The following MGAM variants were observed in gnomAD, a reference collection of about 807,000 sequenced individuals.
MGAM encodes the protein alpha-1,4-glucosidase.
MGAM carries 253 observed loss-of-function variants against 358.8 expected under a neutral mutation model. The ratio of observed to expected loss-of-function variants is 0.71; its 90% CI spans 0.64 to 0.78. The LOEUF is 0.78. Among genes scored for constraint, MGAM ranks in the 30% least tolerant of loss-of-function variants. The pLI, the probability that MGAM is intolerant of heterozygous loss-of-function variation, is 0.00. For missense variants in MGAM, 3,080 were observed against 3,432.6 expected, an observed-to-expected ratio of 0.90 and a Z score of 2.57; for synonymous variants, 1,105 against 1,227.1, an observed-to-expected ratio of 0.90 and a Z score of 2.08.
chr7:142,059,904 C>T lies in MGAM; in HGVS notation c.3997C>T (p.Arg1333Trp), dbSNP rs184974986. The change falls in exon 33 of 71, where the codon CGG becomes TGG. Residue 1333 changes from arginine (R) to tryptophan (W), a missense_variant. Coordinates refer to ENST00000475668, the MANE Select transcript of MGAM (RefSeq NM_001365693.1). ...GACACAGCCTTATCCTGCCTTCACTCGGGGCGTGGAGGATGACGTCTTCAT... is the reference window on the plus strand; with the variant it reads ...GACACAGCCTTATCCTGCCTTCACTTGGGGCGTGGAGGATGACGTCTTCAT... ...NETQPYPAFT[R>W]GVEDDVFIKY... 139 of 1,611,144 alleles carry T rather than the reference C, an allele frequency of 8.6e-5. No homozygotes were observed. The highest frequency in any genetic ancestry group is 3.4e-4 in the Admixed American group (20 of 59,626).
intron 5 of MGAM, 58 bp from the exon 6 acceptor site, chr7:142,021,528 T>C (rs1188221179): frequency 6.6e-7 from 1 of 1,525,400 alleles, no homozygotes; most frequent in Admixed American, 1.9e-5. Context: ...AGTAGGGATA[T>C]TGGGAAGCTC....
At position 142,083,376 on chromosome 7, in the gene MGAM, G is replaced by A; in HGVS notation, c.6344G>A (p.Gly2115Glu). Reference protein sequence around the residue: ...GGVLDFYVFLGPTPELVTQQY... With the variant: ...GGVLDFYVFLEPTPELVTQQY... ...GTTCTGGACTTTTATGTGTTCTTGG[G>A]GCCAACTCCAGAGCTTGTCACCCAG... Residue 2115 changes from glycine (G) to glutamate (E), a missense_variant, in exon 53 of 71, where the codon GGG becomes GAG. Transcript: ENST00000475668. 6.4e-7 allele frequency: 1 copy of A among 1,553,286 alleles called. No homozygotes were observed. Among genetic ancestry groups the A allele is most frequent in the Non-Finnish European group, 8.8e-7 (1 of 1,130,934 alleles).
chr7:142,070,884 T>C (rs1813286098), intron 43 of MGAM, 110 bp from the exon 44 acceptor site: 1 of 1,376,448 alleles, frequency 7.3e-7, no homozygotes, highest in Non-Finnish European at 1.0e-6. Flanking sequence ...TTGCAAAGGG[T>C]GATGAACAGG....
chr7:142,043,603 T>C (rs1446246803), intron 21 of MGAM, among the ~76,000 whole-genome samples: 1 of 124,876 alleles, frequency 8.0e-6, no homozygotes, highest in African/African-American at 3.2e-5. Flanking sequence ...TATATACATA[T>C]AATATCTAAT....
At chr7:142,039,550 CAT>C in intron 19 of MGAM, among the ~76,000 whole-genome samples, 1 of 152,140 alleles carries the variant, frequency 6.6e-6, no homozygotes, top group Non-Finnish European at 1.5e-5. Context: ...CTGGGGATTA[CAT>C]TTCAACATGA....
At chr7:142,024,028 G>A (rs560951530) in intron 7 of MGAM, among the ~76,000 whole-genome samples, 30 of 152,060 alleles carry the variant, frequency 2.0e-4, no homozygotes, top group African/African-American at 7.2e-4. Context: ...GAGGTCAGGA[G>A]TTCAAGATCA....
intron 7 of MGAM, among the ~76,000 whole-genome samples, chr7:142,023,444 TATAC>T (rs1406034366): frequency 2.0e-5 from 3 of 151,830 alleles, no homozygotes; most frequent in African/African-American, 7.3e-5. Flanking sequence ...TATATATATA[TATAC>T]ACACACACAC....
rs989247467 is a variant in MGAM at position 142,036,380 on chromosome 7, C to G, written c.2076+95C>G. Reference sequence around the variant, plus strand: ...GCCAAGAGATCTGCTGAACCAACCTCTTACCTGGTCTTCACTTACTCTAAT... The same window carrying G: ...GCCAAGAGATCTGCTGAACCAACCTGTTACCTGGTCTTCACTTACTCTAAT... On this transcript the variant is annotated intron_variant, in intron 17 of 70. Transcript: ENST00000475668. 1.4e-5 allele frequency: 12 copies of G among 884,848 alleles called. No homozygotes were observed. The Admixed American group carries it at 2.1e-4, about 16-fold the overall frequency. The allele number at this position is 884,848 out of a possible 1,614,324, so 54.8% of individuals were successfully genotyped here.
intron 67 of MGAM, among the ~76,000 whole-genome samples, chr7:142,100,135 A>G (rs1018491602): frequency 6.6e-6 from 1 of 152,250 alleles, no homozygotes; most frequent in African/African-American, 2.4e-5. Context: ...AAGTCTATGT[A>G]TAAATTAACC....
intron 41 of MGAM, among the ~76,000 whole-genome samples, chr7:142,067,073 T>C (rs1228871660): frequency 2.7e-5 from 4 of 146,040 alleles, no homozygotes; most frequent in Non-Finnish European, 6.2e-5. Flanking sequence ...AGGGCCATCC[T>C]CACATTTAAA....
intron 9 of MGAM, 132 bp downstream of exon 9, chr7:142,027,359 C>T: frequency 1.2e-6 from 1 of 807,816 alleles, no homozygotes; most frequent in Non-Finnish European, 2.0e-6. Context: ...GAACAGATTT[C>T]ATATATGCAA....
chr7:142,046,551 C>G (rs1407307759), intron 21 of MGAM, among the ~76,000 whole-genome samples: 1 of 151,986 alleles, frequency 6.6e-6, no homozygotes, highest in African/African-American at 2.4e-5. Flanking sequence ...CTTAGTAGCC[C>G]AATTTTAACC....
At position 142,034,732 on chromosome 7, in the gene MGAM, G is replaced by T. The variant is rs1554465173; in HGVS notation, c.1850G>T (p.Gly617Val). 1 of 1,613,578 alleles carries T rather than the reference G, an allele frequency of 6.2e-7. No homozygotes were observed. Reference protein sequence around the residue: ...SFILTRSTFAGSGKFAAHWLG... With the variant: ...SFILTRSTFAVSGKFAAHWLG... ...ATTCTGACCCGTTCTACCTTTGCGGGCTCTGGCAAGTTTGCAGCACATTGG... is the reference window on the plus strand; with the variant it reads ...ATTCTGACCCGTTCTACCTTTGCGGTCTCTGGCAAGTTTGCAGCACATTGG... The change falls in exon 16 of 71, where the codon GGC becomes GTC. Residue 617 changes from glycine (G) to valine (V), a missense_variant. Gly to Val is a moderately radical substitution (Grantham distance 109). Coordinates refer to ENST00000475668, the MANE Select transcript of MGAM (RefSeq NM_001365693.1).
intron 21 of MGAM, among the ~76,000 whole-genome samples, chr7:142,041,834 A>C (rs1210573230): frequency 7.5e-6 from 1 of 132,968 alleles, no homozygotes; most frequent in Non-Finnish European, 1.5e-5. Context: ...CAGAGGAAGC[A>C]CTGCCACTTT....
At chr7:142,022,536 T>TAG in intron 7 of MGAM, 97 bp downstream of exon 7, 1 of 1,307,984 alleles carries the variant, frequency 7.6e-7, no homozygotes, top group Non-Finnish European at 1.0e-6. Context: ...AGTTAGAGTC[T>TAG]AGAGTGAGAC....
In MGAM at chr7:142,102,786, T is replaced by C. The variant is rs999503780; in HGVS notation, c.8013+107T>C. The C allele has an allele frequency of 1.7e-5, 19 of 1,102,930 alleles. No individual in the cohort carries two copies. The Admixed American group carries it at 4.1e-4, about 24-fold the overall frequency. The allele number at this position is 1,102,930 out of a possible 1,614,324, so 68.3% of individuals were successfully genotyped here. ...CCTAGAATTTCTTCATTGCTCATCT[T>C]GCTAATTCACATTCTTCTACTTCTC... On this transcript the variant is annotated intron_variant, in intron 69 of 70. Transcript: ENST00000475668.
chr7:142,047,948 A>G, intron 22 of MGAM, 75 bp downstream of exon 22: 2 of 1,163,494 alleles, frequency 1.7e-6, no homozygotes, highest in Non-Finnish European at 2.5e-6. Context: ...CCTGCTGGTC[A>G]TTCAGCTGTG....
In MGAM at chr7:142,053,780, TC is replaced by T. The variant is rs757429286; in HGVS notation, c.3159+797del. On this transcript the variant is annotated intron_variant, in intron 26 of 70. Coordinates refer to ENST00000475668, the MANE Select transcript of MGAM (RefSeq NM_001365693.1). ...CTGAAAGGTTCTTTACAATCTGACA[TC>T]AACCCGAATTCTGAGTTCTTGTTCA... 3.3e-5 allele frequency among the ~76,000 whole-genome samples: 5 copies of T among 152,284 alleles called. No homozygotes were observed. The East Asian group carries it at 7.7e-4, about 24-fold the overall frequency.
rs781071581 is a variant in MGAM at position 142,086,271 on chromosome 7, C to A, written c.6690C>A (p.Gly2230=). ...ETQPYPAFTR[G]VEDDVFIKYP... ...AGCCCTATCCTGCCTTCACTCGGGG[C>A]GTGGAGGATGACGTCTTCATCAAGT... Residue 2230 remains glycine (G), a synonymous_variant, in exon 56 of 71, where the codon GGC becomes GGA. Coordinates refer to ENST00000475668, the MANE Select transcript of MGAM (RefSeq NM_001365693.1). The A allele has an allele frequency of 1.3e-6, 2 of 1,544,484 alleles. 1 individual carries two copies. The highest frequency in any genetic ancestry group is 2.3e-5 in the South Asian group (2 of 87,352).
Sources: gnomAD v4.1 joint callset for allele counts (sites outside exome capture counted in the v4.1 genomes callset) on GRCh38, gnomAD v4.1.1 for gene constraint, MANE v1.5 for transcripts, NCBI Gene and HGNC (gene_info 2026-07-23, HGNC 2026-07-21) for gene names.